DNM3: variants seen among roughly 807,000 people sequenced by gnomAD.
DNM3 encodes dynamin 3, also known as dynamin-3.
DNM3 carries 47 observed loss-of-function variants against 101.6 expected under a neutral mutation model. The observed-to-expected ratio is 0.46, with a 90% confidence interval of 0.37 to 0.59. The LOEUF (loss-of-function observed/expected upper bound fraction) is 0.59, where lower values mean the gene tolerates loss of function less well. Among genes scored for constraint, DNM3 ranks in the 20% least tolerant of loss-of-function variants. The pLI, the probability that DNM3 is intolerant of heterozygous loss-of-function variation, is 0.00. For missense variants in DNM3, 849 were observed against 1,085.7 expected (o/e 0.78, Z 3.06); for synonymous variants, 385 against 387.9 (o/e 0.99, Z 0.09).
At chr1:171,972,539 A>G (rs1305174789) in intron 2 of DNM3, among the ~76,000 whole-genome samples, 1 of 152,194 alleles carries the variant, frequency 6.6e-6, no homozygotes, top group Non-Finnish European at 1.5e-5. Context: ...AGAAGGCAGT[A>G]TGCGAGGCAC....
intron 1 of DNM3, chr1:171,864,377 A>C (rs2034498084): frequency 6.6e-6 from 1 of 152,216 alleles, no homozygotes; most frequent in Non-Finnish European, 1.5e-5. Context: ...ATTCTGATCT[A>C]CCCTGCATAT....
downstream of DNM3, among the ~76,000 whole-genome samples, chr1:172,417,528 T>G (rs1279018984): frequency 6.6e-6 from 1 of 152,110 alleles, no homozygotes; most frequent in Non-Finnish European, 1.5e-5. Context: ...CAGATTTCAT[T>G]TACCTTGGGC....
In DNM3 at chr1:172,180,637, A is replaced by G. The variant is rs1002138174; in HGVS notation, c.1659+49349A>G. Among the ~76,000 whole-genome samples the G allele has an allele frequency of 6.6e-5, 10 of 152,270 alleles. No homozygotes were observed. The South Asian group carries it at 1.4e-3, about 22-fold the overall frequency. Reference sequence around the variant, plus strand: ...TTCCTTCTTTTATTGCAGGAATAGCATATGATTTATTTGAAGCCTAATTAT... The same window carrying G: ...TTCCTTCTTTTATTGCAGGAATAGCGTATGATTTATTTGAAGCCTAATTAT... On this transcript the variant is annotated intron_variant, in intron 14 of 20. Coordinates refer to ENST00000627582, the MANE Select transcript of DNM3 (RefSeq NM_015569.5).
At chr1:172,029,681 T>C (rs1203593053) in intron 4 of DNM3, among the ~76,000 whole-genome samples, 3 of 152,224 alleles carry the variant, frequency 2.0e-5, no homozygotes, top group Admixed American at 6.5e-5. Flanking sequence ...TGAAATCTCC[T>C]TAAGCTGATA....
At chr1:171,855,371 T>G (rs2033485427) in intron 1 of DNM3, among the ~76,000 whole-genome samples, 2 of 152,198 alleles carry the variant, frequency 1.3e-5, no homozygotes, top group Admixed American at 6.5e-5. Flanking sequence ...TAGAATGAGT[T>G]ATGTTTCTCT....
chr1:172,368,817 C>A (rs2068166737), intron 17 of DNM3, among the ~76,000 whole-genome samples: 1 of 151,734 alleles, frequency 6.6e-6, no homozygotes, highest in African/African-American at 2.4e-5. Flanking sequence ...ACTGATACTT[C>A]AGAAATACAA....
chr1:172,039,576 C>T (rs75531597), intron 7 of DNM3, among the ~76,000 whole-genome samples: 4,277 of 151,900 alleles, frequency 0.028, 78 homozygotes, highest in Middle Eastern at 0.065. Flanking sequence ...CTGTTTAGGC[C>T]CTAGGTCATT....
intron 1 of DNM3, among the ~76,000 whole-genome samples, chr1:171,861,263 T>C (rs1178954686): frequency 2.0e-5 from 3 of 152,132 alleles, no homozygotes; most frequent in Non-Finnish European, 2.9e-5. Context: ...AAAATTTTTA[T>C]GGAGTTGCAT....
intron 17 of DNM3, among the ~76,000 whole-genome samples, chr1:172,355,979 A>T (rs1313072403): frequency 2.0e-5 from 3 of 152,102 alleles, no homozygotes; most frequent in African/African-American, 7.2e-5. Flanking sequence ...GAAAAAATAT[A>T]TCAACTACTA....
chr1:172,235,728 A>G (rs2061516095), intron 14 of DNM3, among the ~76,000 whole-genome samples: 1 of 152,168 alleles, frequency 6.6e-6, no homozygotes, highest in Non-Finnish European at 1.5e-5. Context: ...CATCATTCTC[A>G]GCAAACTATC....
chr1:171,907,009 T>C (rs1558245699), intron 1 of DNM3, among the ~76,000 whole-genome samples: 1 of 151,878 alleles, frequency 6.6e-6, no homozygotes, highest in African/African-American at 2.4e-5. Context: ...AGGGAAAAAA[T>C]AATTCCATCC....
At chr1:172,325,330 G>A (rs2065896528) in intron 17 of DNM3, among the ~76,000 whole-genome samples, 1 of 152,266 alleles carries the variant, frequency 6.6e-6, no homozygotes, top group Middle Eastern at 3.4e-3. Flanking sequence ...CTTAGAGGGC[G>A]AGTGTTAGTT....
rs2062274446 is a variant in DNM3, at chr1:172,253,562, T to A, written c.1660-11T>A. 1 of 1,533,692 alleles carries A rather than the reference T, an allele frequency of 6.5e-7. No individual in the cohort carries two copies. The highest frequency in any genetic ancestry group is 1.4e-5 in the African/African-American group (1 of 72,212). On this transcript the variant is annotated splice_polypyrimidine_tract_variant and intron_variant, in intron 14 of 20. Coordinates refer to ENST00000627582, the MANE Select transcript of DNM3 (RefSeq NM_015569.5). The stretch of plus-strand genomic sequence containing the variant: ...CTCCTCTCCCTCTTTTCTTTCTCTC[T>A]CTTATAATAGGAAAAAGAAAAGAAG...
intron 17 of DNM3, among the ~76,000 whole-genome samples, chr1:172,356,429 A>G (rs2067455572): frequency 6.6e-6 from 1 of 152,140 alleles, no homozygotes; most frequent in African/African-American, 2.4e-5. Context: ...CAATCAGGAA[A>G]AAACAGTAAA....
chr1:171,922,824 T>C (rs1289323460), intron 2 of DNM3, among the ~76,000 whole-genome samples: 1 of 152,272 alleles, frequency 6.6e-6, no homozygotes, highest in East Asian at 1.9e-4. Context: ...AATAGGCTTT[T>C]CTTGCTTGGC....
chr1:172,036,400 C>A (rs1282174333), intron 6 of DNM3, among the ~76,000 whole-genome samples: 1 of 151,856 alleles, frequency 6.6e-6, no homozygotes, highest in Non-Finnish European at 1.5e-5. Context: ...AACTATACTA[C>A]AAGGCTACAG....
intron 1 of DNM3, among the ~76,000 whole-genome samples, chr1:171,857,426 G>GAGGA (rs2033725604): frequency 6.6e-6 from 1 of 152,114 alleles, no homozygotes; most frequent in African/African-American, 2.4e-5. Context: ...TAGATCCCTG[G>GAGGA]AGGAAGGATA....
At chr1:171,952,735 T>C (rs983621892) in intron 2 of DNM3, among the ~76,000 whole-genome samples, 2 of 152,234 alleles carry the variant, frequency 1.3e-5, no homozygotes, top group African/African-American at 2.4e-5. Flanking sequence ...TTATTGGCTA[T>C]TTTGAAGAGA....
chr1:172,177,883 GT>G (rs150149501), intron 14 of DNM3, among the ~76,000 whole-genome samples: 2,036 of 151,782 alleles, frequency 0.013, 38 homozygotes, highest in African/African-American at 0.046. Flanking sequence ...ATTTTATAGG[GT>G]TTTTTTCCCT....
Sources: gnomAD v4.1 joint callset for allele counts (sites outside exome capture counted in the v4.1 genomes callset) on GRCh38, gnomAD v4.1.1 for gene constraint, MANE v1.5 for transcripts, NCBI Gene and HGNC (gene_info 2026-07-23, HGNC 2026-07-21) for gene names.